The following DNMT3L variants were observed in gnomAD, a reference collection of about 807,000 sequenced individuals.
The protein encoded by DNMT3L is DNA methyltransferase 3 like.
A neutral mutation model predicts 36.2 loss-of-function variants in DNMT3L; 33 were observed. That is an observed-to-expected ratio of 0.91 (90% CI 0.69 to 1.22). The LOEUF (loss-of-function observed/expected upper bound fraction) is 1.22, where lower values mean the gene tolerates loss of function less well. Among genes scored for constraint, DNMT3L ranks in the 50% most tolerant of loss-of-function variants. The probability of loss-of-function intolerance (pLI) is 0.00; values close to 1 mark genes in which losing one functional copy is unlikely to be tolerated. For missense variants in DNMT3L, 310 were observed against 303.1 expected, an observed-to-expected ratio of 1.02 and a Z score of -0.17; for synonymous variants, 117 against 121.7, an observed-to-expected ratio of 0.96 and a Z score of 0.26.
At chr21:44,255,837 G>A (rs1266678849) in intron 7 of DNMT3L, among the ~76,000 whole-genome samples, 1 of 152,234 alleles carries the variant, frequency 6.6e-6, no homozygotes, top group Non-Finnish European at 1.5e-5. Flanking sequence ...GGCCAGAGGA[G>A]AGGGAGTGTC....
At chr21:44,261,085 C>T in intron 2 of DNMT3L, 69 bp downstream of exon 2, 3 of 1,564,364 alleles carry the variant, frequency 1.9e-6, no homozygotes, top group Non-Finnish European at 2.6e-6. Flanking sequence ...AAGCCTGGAA[C>T]TCCAGACCTC....
chr21:44,256,025 A>T, intron 7 of DNMT3L, 42 bp downstream of exon 7: 1 of 1,606,266 alleles, frequency 6.2e-7, no homozygotes, highest in Non-Finnish European at 8.5e-7. Flanking sequence ...AGGTGTTTAG[A>T]GGCATCTTTC....
Position 44,258,690 on chromosome 21 carries a change from A to G in DNMT3L, c.349T>C (p.Tyr117His). The change falls in exon 6 of 12, where the codon TAC becomes CAC. Residue 117 changes from tyrosine (Y) to histidine (H), a missense_variant. Physicochemically the swap from Tyr to His is moderately conservative, Grantham distance 83. Transcript: ENST00000628202. The surrounding 1 kb of genome is among the most constrained non-coding windows in gnomAD (Gnocchi z 6.2). The stretch of plus-strand genomic sequence containing the variant: ...AGGCTATCCACACACTCGAAGCAGT[A>G]GCATCTAAGGCCAGACAGAAAACCA... Reference protein sequence around the residue: ...ICGNPDCTRCYCFECVDSLVG... With the variant: ...ICGNPDCTRCHCFECVDSLVG... 1.2e-6 allele frequency: 2 copies of G among 1,612,472 alleles called. No homozygotes were observed. The highest frequency in any genetic ancestry group is 1.7e-6 in the Non-Finnish European group (2 of 1,179,734).
At chr21:44,260,966 G>T (rs570968707) in intron 2 of DNMT3L, 127 bp from the exon 3 acceptor site, 5 of 1,454,318 alleles carry the variant, frequency 3.4e-6, no homozygotes, top group Non-Finnish European at 2.9e-6. Context: ...CTGCCATCCC[G>T]CCCTCACACC....
intron 8 of DNMT3L, among the ~76,000 whole-genome samples, chr21:44,254,238 C>T (rs899323634): frequency 2.6e-5 from 4 of 152,240 alleles, no homozygotes; most frequent in African/African-American, 9.6e-5. Context: ...AGTGGGGGTT[C>T]AGCCCCTCCT....
Position 44,258,787 on chromosome 21 carries a change from G to A in DNMT3L, c.345-93C>T, listed in dbSNP as rs2040288018. 2.7e-6 allele frequency: 4 copies of A among 1,496,824 alleles called. No homozygotes were observed. Among genetic ancestry groups the A allele is most frequent in the South Asian group, 2.6e-5 (2 of 76,068 alleles). 92.7% of individuals were successfully genotyped at this position (1,496,824 alleles called of 1,614,324 possible). ...GGCCTGATTGAGCCTTGTTTTGGAG[G>A]GAAAAGTCACGCTGGAGCTCCCTTT... On this transcript the variant is annotated intron_variant, in intron 5 of 11. Transcript: ENST00000628202. The surrounding 1 kb of genome is among the most constrained non-coding windows in gnomAD (Gnocchi z 6.2).
chr21:44,259,313 A>G, intron 5 of DNMT3L, 124 bp downstream of exon 5: 1 of 999,880 alleles, frequency 1.0e-6, no homozygotes, highest in Non-Finnish European at 1.5e-6. Context: ...GGAGACAGAA[A>G]TCAGAAGCTC....
intron 3 of DNMT3L, 119 bp from the exon 4 acceptor site, chr21:44,259,830 G>T: frequency 9.8e-7 from 1 of 1,019,744 alleles, no homozygotes; most frequent in Non-Finnish European, 1.5e-6. Context: ...GCAAAGTATT[G>T]TTGGAAGATG....
chr21:44,261,307 A>T (rs748634100), intron 1 of DNMT3L, 41 bp from the exon 2 acceptor site: 1 of 1,591,554 alleles, frequency 6.3e-7, no homozygotes, highest in Admixed American at 1.7e-5. Flanking sequence ...GAAAGCCGTC[A>T]GCCCCTGCTC....
chr21:44,256,184 T>G (rs776362918), intron 6 of DNMT3L, 30 bp from the exon 7 acceptor site: 11 of 1,610,518 alleles, frequency 6.8e-6, no homozygotes, highest in Non-Finnish European at 9.3e-6. Flanking sequence ...AACAGGACAT[T>G]GTGCCGGCTA....
In DNMT3L at chr21:44,259,462, TGAGCAGCGTCTCTCCG is replaced by T. The variant is rs2040296281; in HGVS notation, c.303_318del (p.Gly102SerfsTer31). ...CGGGTGCAATCAGGGTTTCCGCAGA[TGAGCAGCGTCTCTCCG>T]GAGCAGCAGATGGAGCAGTAGGATT... On this transcript the variant is annotated frameshift_variant, in exon 5 of 12. Transcript: ENST00000628202. LOFTEE classifies it high-confidence loss of function. 6.2e-7 allele frequency: 1 copy of T among 1,613,506 alleles called. No homozygotes were observed. The highest frequency in any genetic ancestry group is 8.5e-7 in the Non-Finnish European group (1 of 1,180,012).
rs1416881846 is a variant in DNMT3L at position 44,256,115 on chromosome 21, T to C, written c.556A>G (p.Arg186Gly). 1.2e-6 allele frequency: 2 copies of C among 1,613,968 alleles called. No individual in the cohort carries two copies. The highest frequency in any genetic ancestry group is 1.7e-6 in the Non-Finnish European group (2 of 1,180,008). Residue 186 changes from arginine to glycine, a missense_variant, in exon 7 of 12, where the codon AGG (arginine) becomes GGG (glycine). Coordinates refer to ENST00000628202, the MANE Select transcript of DNMT3L (RefSeq NM_175867.3). ...GACAGCACCCGGACTGGCTGTCTCCTCCACACAGGCACGGTTTCGAACATC... is the reference window on the plus strand; with the variant it reads ...GACAGCACCCGGACTGGCTGTCTCCCCCACACAGGCACGGTTTCGAACATC... ...LEMFETVPVW[R>G]RQPVRVLSLF...
Position 44,258,749 on chromosome 21 carries a change from G to A in DNMT3L, c.345-55C>T, listed in dbSNP as rs897331966. 1.9e-6 allele frequency: 3 copies of A among 1,579,592 alleles called. No individual in the cohort carries two copies. The African/African-American group carries it at 4.1e-5, about 21-fold the overall frequency. On this transcript the variant is annotated intron_variant, in intron 5 of 11. Transcript: ENST00000628202. The surrounding 1 kb of genome is among the most constrained non-coding windows in gnomAD (Gnocchi z 6.2). The stretch of plus-strand genomic sequence containing the variant: ...GACATGACAGCCCACCTCTCCTGAG[G>A]ATGGCAGAGGTGGGCCTGATTGAGC...
chr21:44,253,212 C>T (rs908744669), intron 8 of DNMT3L, among the ~76,000 whole-genome samples: 1 of 60,164 alleles, frequency 1.7e-5, no homozygotes. Context: ...CCCTGCTGAA[C>T]AGAAACAGCC....
At chr21:44,256,230 C>A in intron 6 of DNMT3L, 76 bp from the exon 7 acceptor site, 1 of 1,484,688 alleles carries the variant, frequency 6.7e-7, no homozygotes, top group Admixed American at 1.7e-5. Context: ...AATGAAAATT[C>A]TTCCCTGGAT....
In DNMT3L at chr21:44,259,445, A is replaced by G; in HGVS notation, c.336T>C (p.Asp112=). ...CAGGCCCCTCGCCTCACCGGGTGCAATCAGGGTTTCCGCAGATGAGCAGCG... is the reference window on the plus strand; with the variant it reads ...CAGGCCCCTCGCCTCACCGGGTGCAGTCAGGGTTTCCGCAGATGAGCAGCG... ...GETLLICGNP[D]CTRCYCFECV... Residue 112 remains aspartate, a synonymous_variant, in exon 5 of 12, where the codon GAT becomes GAC. Transcript: ENST00000628202. 1 of 1,613,538 alleles carries G rather than the reference A, an allele frequency of 6.2e-7. No individual in the cohort carries two copies. The highest frequency in any genetic ancestry group is 8.5e-7 in the Non-Finnish European group (1 of 1,179,964).
At position 44,258,437 on chromosome 21, in the gene DNMT3L, C is replaced by T. The variant is rs551905287; in HGVS notation, c.516+86G>A. On this transcript the variant is annotated intron_variant, in intron 6 of 11. Coordinates refer to ENST00000628202, the MANE Select transcript of DNMT3L (RefSeq NM_175867.3). This position sits in a 1 kb window ranked among gnomAD's most constrained non-coding sequence, Gnocchi z 6.2. The stretch of plus-strand genomic sequence containing the variant: ...GCTGCAGCCGTGGTGCCCGTCGGCG[C>T]GCCTGCATTCTGCAGCGGGAACCGA... The T allele has an allele frequency of 2.2e-5, 32 of 1,454,256 alleles. No homozygotes were observed. Among genetic ancestry groups the T allele is most frequent in the African/African-American group, 1.7e-4 (12 of 70,278 alleles). 90.1% of individuals were successfully genotyped at this position (1,454,256 alleles called of 1,614,324 possible).
At chr21:44,260,274 A>C (rs1391301704) in intron 3 of DNMT3L, among the ~76,000 whole-genome samples, 1 of 152,156 alleles carries the variant, frequency 6.6e-6, no homozygotes, top group Non-Finnish European at 1.5e-5. Context: ...GGAAGCAAGA[A>C]GGGGGAATTT....
Position 44,259,643 on chromosome 21 carries a change from C to G in DNMT3L, c.220G>C (p.Ala74Pro). ...QHPLFEGGICAPCKDKFLDAL... is the reference protein window; with the variant it reads ...QHPLFEGGICPPCKDKFLDAL... ...GCCTCCCTGCCTACCTTACATGGGG[C>G]GCAGATCCCTCCCTCAAACAGAGGG... The change falls in exon 4 of 12, where the codon GCC becomes CCC. Residue 74 changes from alanine (A) to proline (P), a missense_variant. By Grantham distance (27) the Ala-to-Pro change is conservative (BLOSUM62 -1). Coordinates refer to ENST00000628202, the MANE Select transcript of DNMT3L (RefSeq NM_175867.3). 3 of 1,613,158 alleles carry G rather than the reference C, an allele frequency of 1.9e-6. No individual in the cohort carries two copies. The highest frequency in any genetic ancestry group is 8.5e-7 in the Non-Finnish European group (1 of 1,179,812).
Sources: gnomAD v4.1 joint callset for allele counts (sites outside exome capture counted in the v4.1 genomes callset) on GRCh38, gnomAD v4.1.1 for gene constraint, Gnocchi (gnomAD v3.1) non-coding constraint, MANE v1.5 for transcripts, NCBI Gene and HGNC (gene_info 2026-07-23, HGNC 2026-07-21) for gene names.